TENM3: variants seen among roughly 807,000 people sequenced by gnomAD.
TENM3 encodes the protein teneurin-3.
In TENM3, 63 loss-of-function variants were observed where a neutral mutation model predicts 255.1. The observed-to-expected ratio is 0.25, with a 90% CI of 0.20 to 0.30. The LOEUF (loss-of-function observed/expected upper bound fraction) is 0.30. TENM3 is among the 10% of genes least tolerant of loss of function. TENM3 has a pLI of 1.00. For missense variants in TENM3, 2,929 were observed against 3,461.1 expected (o/e 0.85, Z 3.86); for synonymous variants, 1,306 against 1,322.3 (o/e 0.99, Z 0.27).
At chr4:182,035,986 G>C in the TENM3 span, among the ~76,000 whole-genome samples, 1 of 151,886 alleles carries the variant, frequency 6.6e-6, no homozygotes, top group African/African-American at 2.4e-5. Flanking sequence ...TCTATCACGG[G>C]GTCTTGTGCA....
intron 1 of TENM3, among the ~76,000 whole-genome samples, chr4:182,163,080 C>G (rs2064335025): frequency 1.3e-5 from 2 of 152,210 alleles, no homozygotes; most frequent in Non-Finnish European, 2.9e-5. Context: ...CCATCCCTCA[C>G]TACCTGTACT....
At chr4:182,282,057 T>C (rs1383357975) in intron 1 of TENM3, among the ~76,000 whole-genome samples, 1 of 152,222 alleles carries the variant, frequency 6.6e-6, no homozygotes, top group African/African-American at 2.4e-5. Context: ...TAAAATTTAA[T>C]TTTAATTGGT....
intron 3 of TENM3, among the ~76,000 whole-genome samples, chr4:182,496,539 A>T (rs1294053310): frequency 6.9e-6 from 1 of 143,990 alleles, no homozygotes. Context: ...AAGAAAACGG[A>T]TTGTTCTGGT....
chr4:181,657,678 G>A, the TENM3 span, among the ~76,000 whole-genome samples: 1 of 152,060 alleles, frequency 6.6e-6, no homozygotes, highest in South Asian at 2.1e-4. Flanking sequence ...CCACCAAAAA[G>A]ACAAGTTCAT....
the TENM3 span, among the ~76,000 whole-genome samples, chr4:181,746,475 A>T: frequency 6.6e-6 from 1 of 152,072 alleles, no homozygotes; most frequent in African/African-American, 2.4e-5. Flanking sequence ...AATGGCTATA[A>T]ATGGTGATGG....
intron 3 of TENM3, among the ~76,000 whole-genome samples, chr4:182,506,010 T>TA (rs1736781159): frequency 6.6e-6 from 1 of 152,174 alleles, no homozygotes; most frequent in Non-Finnish European, 1.5e-5. Context: ...CCCAGAATGT[T>TA]ACAAGTGGAG....
At chr4:181,913,600 G>A in the TENM3 span, among the ~76,000 whole-genome samples, 4 of 152,240 alleles carry the variant, frequency 2.6e-5, no homozygotes, top group Non-Finnish European at 5.9e-5. Flanking sequence ...AAGTAGTTTT[G>A]GCGGGAGGGA....
the TENM3 span, among the ~76,000 whole-genome samples, chr4:182,042,408 G>A: frequency 6.6e-6 from 1 of 152,232 alleles, no homozygotes; most frequent in Middle Eastern, 3.4e-3. Flanking sequence ...GAGAAAATCT[G>A]CTAAGTGTCC....
chr4:181,520,281 G>T, the TENM3 span, among the ~76,000 whole-genome samples: 1 of 152,080 alleles, frequency 6.6e-6, no homozygotes, highest in African/African-American at 2.4e-5. Flanking sequence ...AAGCCGTGCC[G>T]CCCTGGCAGA....
rs771498830 is a variant in TENM3, at chr4:182,743,275, G to C, written c.3485G>C (p.Ser1162Thr). The change falls in exon 19 of 28, where the codon AGT (serine) becomes ACT (threonine). Residue 1162 changes from serine to threonine, a missense_variant. This residue lies in a region of TENM3 where 1,608 missense variants were observed against 1,884.4 expected (regional missense o/e 0.85). Transcript: ENST00000511685. ...NGRRRSISCP[S>T]CNGQADGNKL... ...CGAAGGCGCAGCATTTCCTGCCCCA[G>C]TTGCAATGGTCAAGCTGATGGTAAC... The C allele has an allele frequency of 6.2e-7, 1 of 1,613,922 alleles. No individual in the cohort carries two copies. The highest frequency in any genetic ancestry group is 1.3e-5 in the African/African-American group (1 of 74,942).
chr4:181,560,466 C>T, the TENM3 span, among the ~76,000 whole-genome samples: 690 of 152,234 alleles, frequency 4.5e-3, 6 homozygotes, highest in Middle Eastern at 0.014. Flanking sequence ...AGGAAAAATT[C>T]GAACACTAGA....
the TENM3 span, among the ~76,000 whole-genome samples, chr4:182,000,457 A>G: frequency 6.6e-6 from 1 of 152,054 alleles, no homozygotes; most frequent in Non-Finnish European, 1.5e-5. Flanking sequence ...TTTCCAGGGG[A>G]GTATTCGCCT....
At chr4:181,836,437 C>A in the TENM3 span, among the ~76,000 whole-genome samples, 1 of 152,214 alleles carries the variant, frequency 6.6e-6, no homozygotes, top group East Asian at 1.9e-4. Flanking sequence ...ACATTTGGGT[C>A]TTTCATTAAC....
chr4:182,149,683 G>T (rs143508985), intron 1 of TENM3, among the ~76,000 whole-genome samples: 60 of 152,114 alleles, frequency 3.9e-4, no homozygotes, highest in African/African-American at 1.3e-3. Context: ...AGTCTTAACC[G>T]AGTTCCTTGA....
chr4:182,172,979 G>C (rs931163344), intron 1 of TENM3, among the ~76,000 whole-genome samples: 1 of 152,114 alleles, frequency 6.6e-6, no homozygotes, highest in Admixed American at 6.6e-5. Flanking sequence ...ACTTGACTTT[G>C]TGACCACATG....
At chr4:182,190,688 G>A (rs1753462687) in intron 1 of TENM3, among the ~76,000 whole-genome samples, 1 of 151,788 alleles carries the variant, frequency 6.6e-6, no homozygotes, top group Non-Finnish European at 1.5e-5. Flanking sequence ...ATTATACTAT[G>A]TCTTACTAAA....
intron 19 of TENM3, among the ~76,000 whole-genome samples, chr4:182,750,919 T>C (rs193041587): frequency 6.6e-6 from 1 of 152,358 alleles, no homozygotes; most frequent in African/African-American, 2.4e-5. Flanking sequence ...ATTTTAAGAA[T>C]GTGGCATTGA....
the TENM3 span, among the ~76,000 whole-genome samples, chr4:182,075,821 G>A: frequency 6.6e-6 from 1 of 152,254 alleles, no homozygotes; most frequent in Non-Finnish European, 1.5e-5. Context: ...TTCCCAACGG[G>A]AACCTGTGGC....
At chr4:181,803,761 G>T in the TENM3 span, among the ~76,000 whole-genome samples, 1 of 151,666 alleles carries the variant, frequency 6.6e-6, no homozygotes, top group African/African-American at 2.4e-5. Flanking sequence ...TGAGATCCTT[G>T]TCCCTTAAAT....
Sources: gnomAD v4.1 joint callset for allele counts (sites outside exome capture counted in the v4.1 genomes callset) on GRCh38, gnomAD v4.1.1 for gene constraint, gnomAD v4.1.1 regional missense constraint, MANE v1.5 for transcripts, NCBI Gene and HGNC (gene_info 2026-07-23, HGNC 2026-07-21) for gene names.